The following NLRP2 variants were observed in gnomAD, a reference collection of about 807,000 sequenced individuals.
NLRP2 encodes NACHT, LRR and PYD domains-containing protein 2.
A neutral mutation model predicts 97.2 loss-of-function variants in NLRP2; 107 were observed. The observed-to-expected ratio is 1.10, with a 90% CI of 0.94 to 1.29. The LOEUF is 1.29. Ranked by LOEUF, NLRP2 falls within the 50% of genes most tolerant of loss-of-function variation. The pLI is 0.00. For synonymous variants in NLRP2, 663 were observed against 551.5 expected (o/e 1.20, Z -2.83); for missense variants, 1,495 against 1,330.3 (o/e 1.12, Z -1.93).
chr19:54,977,621 G>A, intron 3 of NLRP2, 131 bp from the exon 4 acceptor site: 1 of 856,856 alleles, frequency 1.2e-6, no homozygotes, highest in Non-Finnish European at 2.0e-6. Context: ...TTTACATCCA[G>A]TACCTTATCA....
At chr19:54,998,021 C>CTT (rs2072934298) in intron 12 of NLRP2, among the ~76,000 whole-genome samples, 2 of 127,430 alleles carry the variant, frequency 1.6e-5, no homozygotes, top group African/African-American at 5.5e-5. Context: ...TTTGTTTTTT[C>CTT]TTTCTTTTTT....
intron 8 of NLRP2, 44 bp from the exon 9 acceptor site, chr19:54,989,978 C>T (rs754007431): frequency 6.5e-7 from 1 of 1,537,396 alleles, no homozygotes; most frequent in Non-Finnish European, 8.8e-7. Flanking sequence ...GAGACTCAGT[C>T]TCAAAAAAAA....
chr19:54,992,272 C>G (rs1161643184), intron 10 of NLRP2, among the ~76,000 whole-genome samples: 2 of 152,058 alleles, frequency 1.3e-5, no homozygotes, highest in African/African-American at 4.8e-5. Flanking sequence ...GAACTGTCCT[C>G]TTCCTATGAA....
At position 54,982,707 on chromosome 19, in the gene NLRP2, C is replaced by T. The variant is rs755393462; in HGVS notation, c.1009C>T (p.Arg337Trp). Reference protein sequence around the residue: ...LPKAALLVTTRPRALRDLRIL... With the variant: ...LPKAALLVTTWPRALRDLRIL... ...CAAGGCCGCCCTGCTGGTCACCACG[C>T]GGCCCAGGGCCCTGAGGGACCTCCG... Residue 337 changes from arginine (R) to tryptophan (W), a missense_variant, in exon 6 of 13, where the codon CGG (arginine) becomes TGG (tryptophan). Arg to Trp is a moderately radical substitution (Grantham distance 101). Transcript: ENST00000448584. The T allele has an allele frequency of 1.4e-5, 23 of 1,613,922 alleles. No homozygotes were observed. Among genetic ancestry groups the T allele is most frequent in the South Asian group, 3.3e-5 (3 of 91,080 alleles).
intron 8 of NLRP2, 24 bp from the exon 9 acceptor site, chr19:54,989,998 G>A (rs200363195): frequency 9.2e-6 from 14 of 1,527,876 alleles, no homozygotes; most frequent in South Asian, 7.8e-5. Flanking sequence ...AAAAAAAAAT[G>A]ACGTGGTCCT....
intron 2 of NLRP2, 26 bp downstream of exon 2, chr19:54,970,321 G>A (rs1176944705): frequency 6.2e-7 from 1 of 1,613,614 alleles, no homozygotes; most frequent in Non-Finnish European, 8.5e-7. Context: ...TCCACACTGT[G>A]TCCTAGGAGG....
chr19:54,968,132 G>C (rs558754040), intron 1 of NLRP2, among the ~76,000 whole-genome samples: 6 of 152,100 alleles, frequency 3.9e-5, no homozygotes, highest in Admixed American at 1.3e-4. Context: ...TGGCCAGGCT[G>C]GTCTCAAGCT....
intron 7 of NLRP2, among the ~76,000 whole-genome samples, chr19:54,985,719 G>A (rs1271973308): frequency 6.6e-6 from 1 of 151,180 alleles, no homozygotes; most frequent in African/African-American, 2.4e-5. Context: ...AAAAGGGCCG[G>A]GCACAATGGC....
chr19:54,988,743 C>T (rs552246477), intron 8 of NLRP2, among the ~76,000 whole-genome samples: 2 of 152,328 alleles, frequency 1.3e-5, no homozygotes, highest in South Asian at 2.1e-4. Context: ...TGGTCTTAAA[C>T]TCCTGGCCTC....
At chr19:54,969,496 A>AAAT (rs2070707052) in intron 1 of NLRP2, among the ~76,000 whole-genome samples, 1 of 141,620 alleles carries the variant, frequency 7.1e-6, no homozygotes, top group Non-Finnish European at 1.5e-5. Context: ...AAAAAAAAAA[A>AAAT]ATACAAAAAG....
rs3745904 is a variant in NLRP2, at chr19:54,982,602, G to A, written c.904G>A (p.Glu302Lys). 12 of 1,614,148 alleles carry A rather than the reference G, an allele frequency of 7.4e-6. No homozygotes were observed. Among genetic ancestry groups the A allele is most frequent in the South Asian group, 4.4e-5 (4 of 91,084 alleles). Residue 302 changes from glutamate (E) to lysine (K), a missense_variant, in exon 6 of 13, where the codon GAG becomes AAG. Glu to Lys is a moderately conservative substitution (Grantham distance 56). Transcript: ENST00000448584. The stretch of plus-strand genomic sequence containing the variant: ...GGGAGCCGCACCTGGGGCGCTGATC[G>A]AGGACATCTGCGGGGACTGGGAGAA... ...ELGAAPGALI[E>K]DICGDWEKKK...
intron 12 of NLRP2, among the ~76,000 whole-genome samples, chr19:54,999,233 C>T (rs62124648): frequency 0.031 from 4,724 of 152,258 alleles, 101 homozygotes; most frequent in Non-Finnish European, 0.043. Context: ...CTGCAACCTC[C>T]GCCTCCCGGG....
intron 10 of NLRP2, chr19:54,991,650 C>T (rs1027001047): frequency 6.6e-6 from 1 of 152,014 alleles, no homozygotes; most frequent in Non-Finnish European, 1.5e-5. Context: ...GGGCAGAACA[C>T]CTGAGGTCAG....
At position 55,001,100 on chromosome 19, in the gene NLRP2, G is replaced by C; in HGVS notation, c.*202G>C. ...GTTACATATGAAATATCTGTATCACGGGTATATTGAGAGAAATAAAGGTGA... is the reference window on the plus strand; with the variant it reads ...GTTACATATGAAATATCTGTATCACCGGTATATTGAGAGAAATAAAGGTGA... On this transcript the variant is annotated 3_prime_UTR_variant, in exon 13 of 13. Transcript: ENST00000448584. The C allele has an allele frequency of 1.8e-6, 1 of 553,976 alleles. No homozygotes were observed. The allele number at this position is 553,976 out of a possible 1,614,324, so 34.3% of individuals were successfully genotyped here.
intron 11 of NLRP2, 49 bp downstream of exon 11, chr19:54,994,488 C>T (rs370474396): frequency 1.3e-6 from 2 of 1,589,530 alleles, no homozygotes; most frequent in Non-Finnish European, 1.7e-6. Flanking sequence ...CTTACTGAAT[C>T]TGTGGCTAGT....
In NLRP2 at chr19:54,990,038, G is replaced by T; in HGVS notation, c.2383G>T (p.Ala795Ser). ...LRYLGLVSCS[A>S]TTQQWADLSL... ...CTCCCACAGGTTGGTGTCTTGTTCC[G>T]CTACCACTCAGCAGTGGGCTGATCT... Residue 795 changes from alanine (A) to serine (S), a missense_variant, in exon 9 of 13, where the codon GCT (alanine) becomes TCT (serine). Ala to Ser is a moderately conservative substitution (Grantham distance 99, BLOSUM62 1). Coordinates refer to ENST00000448584, the MANE Select transcript of NLRP2 (RefSeq NM_017852.5). The T allele has an allele frequency of 6.2e-7, 1 of 1,613,242 alleles. No individual in the cohort carries two copies. The highest frequency in any genetic ancestry group is 8.5e-7 in the Non-Finnish European group (1 of 1,179,948).
intron 12 of NLRP2, among the ~76,000 whole-genome samples, chr19:54,998,058 A>G (rs759628220): frequency 4.2e-4 from 51 of 121,292 alleles, no homozygotes; most frequent in Non-Finnish European, 6.8e-4. Flanking sequence ...ATGGAGTCTC[A>G]CTCTGTTGCC....
At chr19:54,978,277 C>G (rs574783589) in intron 4 of NLRP2, among the ~76,000 whole-genome samples, 1 of 149,044 alleles carries the variant, frequency 6.7e-6, no homozygotes, top group Non-Finnish European at 1.5e-5. Context: ...TCTTGTCACC[C>G]AGGCTGGAGT....
At chr19:54,985,511 C>G (rs2071998133) in intron 7 of NLRP2, among the ~76,000 whole-genome samples, 1 of 151,510 alleles carries the variant, frequency 6.6e-6, no homozygotes, top group African/African-American at 2.4e-5. Flanking sequence ...AACCCTGCCT[C>G]TACTAAAAAT....
Sources: allele counts gnomAD v4.1 joint callset (sites outside exome capture counted in the v4.1 genomes callset), GRCh38; gene constraint gnomAD v4.1.1; transcripts MANE v1.5; gene names NCBI Gene and HGNC (gene_info 2026-07-23, HGNC 2026-07-21).